Variants in CACNB1 observed in about 807,000 individuals in gnomAD.
CACNB1 encodes the protein calcium voltage-gated channel auxiliary subunit beta 1, also known as voltage-dependent L-type calcium channel subunit beta-1.
Under a neutral mutation model 71.6 loss-of-function variants are expected in CACNB1, and 29 were observed. The ratio of observed to expected loss-of-function variants is 0.40; its 90% CI spans 0.30 to 0.55. The LOEUF is 0.55. CACNB1 is among the 20% of genes least tolerant of loss of function. The pLI is 0.38. For missense variants in CACNB1, 623 were observed against 801.8 expected (o/e 0.78, Z 2.69); for synonymous variants, 300 against 319.6 (o/e 0.94, Z 0.65).
intron 11 of CACNB1, among the ~76,000 whole-genome samples, chr17:39,182,116 C>G (rs1249211945): frequency 6.6e-6 from 1 of 151,074 alleles, no homozygotes; most frequent in African/African-American, 2.4e-5. Context: ...AGCAAGATCG[C>G]ACCACTACAC....
rs750839713 is a variant in CACNB1, at chr17:39,194,207, C to T, written c.171+677G>A. 2.0e-5 allele frequency among the ~76,000 whole-genome samples: 3 copies of T among 151,096 alleles called. No homozygotes were observed. The highest frequency in any genetic ancestry group is 3.9e-4 in the East Asian group (2 of 5,190). On this transcript the variant is annotated intron_variant, in intron 2 of 13. Coordinates refer to ENST00000394303, the MANE Select transcript of CACNB1 (RefSeq NM_000723.5). This position sits in a 1 kb window ranked among gnomAD's most constrained non-coding sequence, Gnocchi z 4.6. The stretch of plus-strand genomic sequence containing the variant: ...ACCACATGCCTCTCTCAGTCCCTCA[C>T]CCTGAGCCTAAGATGGCCCAGGGTT...
chr17:39,196,203 G>A (rs891176379), intron 1 of CACNB1, among the ~76,000 whole-genome samples: 2 of 152,124 alleles, frequency 1.3e-5, no homozygotes, highest in Non-Finnish European at 2.9e-5. Flanking sequence ...AATGGGAGAG[G>A]AGGGCCCCTG....
chr17:39,186,731 T>G lies in CACNB1; in HGVS notation c.551+62A>C. On this transcript the variant is annotated intron_variant, in intron 5 of 13. Coordinates refer to ENST00000394303, the MANE Select transcript of CACNB1 (RefSeq NM_000723.5). This position sits in a 1 kb window ranked among gnomAD's most constrained non-coding sequence, Gnocchi z 4.1. ...GCCAGGGACAACCATTGAGGCCTAG[T>G]CCAGGCTGTATGGCCTCTCCTGGGG... is the stretch of plus-strand genomic sequence containing the variant. The G allele has an allele frequency of 6.2e-7, 1 of 1,600,072 alleles. No homozygotes were observed. The highest frequency in any genetic ancestry group is 8.6e-7 in the Non-Finnish European group (1 of 1,169,260).
At chr17:39,186,000 T>C in intron 6 of CACNB1, 1 of 1,613,830 alleles carries the variant, frequency 6.2e-7, no homozygotes, top group South Asian at 1.1e-5. Context: ...GTGGTGACAC[T>C]GCTAACACTA....
chr17:39,186,648 A>ACC lies in CACNB1; in HGVS notation c.552-78_552-77dup. ...GGGCTCTCATCCTCTCACATGCGGCACCCCCGGAGGTGCTCCAGCCCCACT... is the reference window on the plus strand; with the variant it reads ...GGGCTCTCATCCTCTCACATGCGGCACCCCCCCGGAGGTGCTCCAGCCCCACT... On this transcript the variant is annotated intron_variant, in intron 5 of 13. Coordinates refer to ENST00000394303, the MANE Select transcript of CACNB1 (RefSeq NM_000723.5). This position sits in a 1 kb window ranked among gnomAD's most constrained non-coding sequence, Gnocchi z 4.1. The ACC allele has an allele frequency of 4.6e-6, 7 of 1,511,434 alleles. No individual in the cohort carries two copies. The highest frequency in any genetic ancestry group is 6.4e-6 in the Non-Finnish European group (7 of 1,095,174). 93.6% of individuals were successfully genotyped at this position (1,511,434 alleles called of 1,614,324 possible).
chr17:39,190,501 C>G (rs1464532914), intron 3 of CACNB1, among the ~76,000 whole-genome samples: 1 of 152,118 alleles, frequency 6.6e-6, no homozygotes, highest in East Asian at 1.9e-4. Context: ...GATCTCAGCT[C>G]ACTCCAGCCT....
At chr17:39,178,375 CTTTT>C (rs375895816) in intron 11 of CACNB1, 1 of 212,434 alleles carries the variant, frequency 4.7e-6, no homozygotes, top group Non-Finnish European at 9.2e-6. Context: ...GCCCACTCTC[CTTTT>C]TTTTTGTTTT....
At chr17:39,187,152 C>A in intron 4 of CACNB1, 1 of 607,216 alleles carries the variant, frequency 1.6e-6, no homozygotes, top group Non-Finnish European at 2.9e-6. Flanking sequence ...GCCACCGGCC[C>A]AATGCAATTC....
At position 39,175,327 on chromosome 17, in the gene CACNB1, AGTC is replaced by A; in HGVS notation, c.1660_1662del (p.Asp554del). On this transcript the variant is annotated inframe_deletion, in exon 14 of 14. Transcript: ENST00000394303. The surrounding 1 kb of genome is among the most constrained non-coding windows in gnomAD (Gnocchi z 4.7). ...CGGTTGTCGGTCAGCTCTTCCTCAT[AGTC>A]TTCTTCCTCGTCCTCCCAGGATCCC... The A allele has an allele frequency of 6.2e-7, 1 of 1,613,984 alleles. No individual in the cohort carries two copies. Among genetic ancestry groups the A allele is most frequent in the Non-Finnish European group, 8.5e-7 (1 of 1,179,964 alleles).
chr17:39,182,259 C>A (rs2045787313), intron 11 of CACNB1, among the ~76,000 whole-genome samples: 1 of 150,860 alleles, frequency 6.6e-6, no homozygotes, highest in Admixed American at 6.6e-5. Flanking sequence ...ACCTGGGAGG[C>A]GGAGGCTGTA....
chr17:39,174,945 G>T lies in CACNB1; in HGVS notation c.*248C>A. ...GAGAGCCCCTTAAGATGGGAGAAAG[G>T]GGACACTTCAGAAAGGTGGGTATCC... On this transcript the variant is annotated 3_prime_UTR_variant, in exon 14 of 14. Transcript: ENST00000394303. 1.9e-6 allele frequency: 1 copy of T among 527,374 alleles called. No homozygotes were observed. The highest frequency in any genetic ancestry group is 3.3e-6 in the Non-Finnish European group (1 of 298,636). 32.7% of individuals were successfully genotyped at this position (527,374 alleles called of 1,614,324 possible). A position where few individuals can be genotyped will look rare whatever the true frequency, so the allele number is the denominator to read the frequency against.
At chr17:39,196,704 C>T (rs1012131126) in intron 1 of CACNB1, among the ~76,000 whole-genome samples, 10 of 151,776 alleles carry the variant, frequency 6.6e-5, no homozygotes, top group Admixed American at 5.3e-4. Context: ...AGAAGTAGAC[C>T]CCTCCCCCAG....
rs2046151042 is a variant in CACNB1, at chr17:39,194,008, C to A, written c.171+876G>T. On this transcript the variant is annotated intron_variant, in intron 2 of 13. Coordinates refer to ENST00000394303, the MANE Select transcript of CACNB1 (RefSeq NM_000723.5). This position sits in a 1 kb window ranked among gnomAD's most constrained non-coding sequence, Gnocchi z 4.6. ...TGCCTGGCATCACCCTCGCTCCTGG[C>A]CCAAGGTGGAAGGGAGGGGCTCATC... The A allele has an allele frequency of 6.6e-6, 1 of 152,616 alleles. No individual in the cohort carries two copies. The highest frequency in any genetic ancestry group is 1.5e-5 in the Non-Finnish European group (1 of 68,378). The allele number at this position is 152,616 out of a possible 1,614,324, so 9.5% of individuals were successfully genotyped here.
chr17:39,194,794 G>C lies in CACNB1; in HGVS notation c.171+90C>G. On this transcript the variant is annotated intron_variant, in intron 2 of 13. Coordinates refer to ENST00000394303, the MANE Select transcript of CACNB1 (RefSeq NM_000723.5). The surrounding 1 kb of genome is among the most constrained non-coding windows in gnomAD (Gnocchi z 4.6). ...GCAGGTGACAAATGGCACAGGGAAG[G>C]GTGCCTGGACAATACCGCAGACCTG... 1.2e-6 allele frequency: 1 copy of C among 842,456 alleles called. No individual in the cohort carries two copies. Among genetic ancestry groups the C allele is most frequent in the Non-Finnish European group, 1.9e-6 (1 of 517,502 alleles). 52.2% of individuals were successfully genotyped at this position (842,456 alleles called of 1,614,324 possible).
In CACNB1 at chr17:39,184,146, G is replaced by T; in HGVS notation, c.789-6C>A. ...TCACACGAGTGATGGAGATCCTGGG[G>T]AATGGGGCAAGAGGGGAGTCAGGGG... On this transcript the variant is annotated splice_region_variant and splice_polypyrimidine_tract_variant and intron_variant, in intron 9 of 13. Transcript: ENST00000394303. The T allele has an allele frequency of 6.3e-7, 1 of 1,588,688 alleles. No individual in the cohort carries two copies. Among genetic ancestry groups the T allele is most frequent in the Non-Finnish European group, 8.6e-7 (1 of 1,157,124 alleles).
chr17:39,179,812 G>A (rs1052185020), intron 11 of CACNB1, among the ~76,000 whole-genome samples: 2 of 152,074 alleles, frequency 1.3e-5, no homozygotes, highest in Non-Finnish European at 2.9e-5. Context: ...ACGAGGCTGA[G>A]GCATGAAAAT....
chr17:39,184,498 C>T (rs1190095467), intron 8 of CACNB1, 115 bp from the exon 9 acceptor site: 4 of 700,116 alleles, frequency 5.7e-6, no homozygotes, highest in East Asian at 2.7e-5. Context: ...CTGGACAGGC[C>T]TTTACGGCGG....
chr17:39,193,144 G>A (rs747995384), intron 2 of CACNB1: 36 of 225,848 alleles, frequency 1.6e-4, no homozygotes, highest in Non-Finnish European at 2.1e-4. Flanking sequence ...GCAGGCACGC[G>A]CACGTGTACA....
intron 6 of CACNB1, among the ~76,000 whole-genome samples, chr17:39,185,556 G>GCCCC (rs61295679): frequency 1.3e-3 from 201 of 149,906 alleles, no homozygotes; most frequent in Middle Eastern, 3.5e-3. Context: ...GCAGCCAGCA[G>GCCCC]CCCCCCCCCA....
Sources: allele counts gnomAD v4.1 joint callset (sites outside exome capture counted in the v4.1 genomes callset), GRCh38; gene constraint gnomAD v4.1.1; non-coding constraint Gnocchi (gnomAD v3.1); transcripts MANE v1.5; gene names NCBI Gene and HGNC (gene_info 2026-07-23, HGNC 2026-07-21).